DDX10: variants seen among roughly 807,000 people sequenced by gnomAD.
The protein encoded by DDX10 is probable ATP-dependent RNA helicase DDX10.
In DDX10, 74 loss-of-function variants were observed where a neutral mutation model predicts 104.3. The ratio of observed to expected loss-of-function variants is 0.71; its 90% CI spans 0.59 to 0.86. The LOEUF is 0.86. DDX10 is among the 40% of genes least tolerant of loss of function. The pLI, the probability that DDX10 is intolerant of heterozygous loss-of-function variation, is 0.00. For synonymous variants in DDX10, 351 were observed against 353.4 expected, an observed-to-expected ratio of 0.99 and a Z score of 0.08; for missense variants, 952 against 1,040.0, an observed-to-expected ratio of 0.92 and a Z score of 1.16.
At chr11:108,681,424 AAT>A (rs1207135906) in intron 6 of DDX10, among the ~76,000 whole-genome samples, 1 of 152,192 alleles carries the variant, frequency 6.6e-6, no homozygotes. Context: ...GCAGTATTCT[AAT>A]ATTCCAAATT....
intron 1 of DDX10, among the ~76,000 whole-genome samples, chr11:108,672,015 C>T (rs1052463484): frequency 2.2e-4 from 31 of 138,186 alleles, no homozygotes; most frequent in African/African-American, 7.0e-4. Context: ...GAGCCAAGTT[C>T]GCGCCACTGC....
At chr11:108,923,828 A>G (rs1050960780) in intron 17 of DDX10, among the ~76,000 whole-genome samples, 19 of 152,166 alleles carry the variant, frequency 1.2e-4, no homozygotes, top group African/African-American at 4.6e-4. Context: ...TGGTGTCTAC[A>G]CTAAATCGGT....
chr11:108,696,846 A>G (rs4754347), intron 9 of DDX10, among the ~76,000 whole-genome samples: 18,714 of 152,232 alleles, frequency 0.12, 1,567 homozygotes, highest in East Asian at 0.27. Context: ...AATAGAATAC[A>G]TTTAGCAGTA....
intron 13 of DDX10, among the ~76,000 whole-genome samples, chr11:108,835,534 A>C (rs1179125406): frequency 1.3e-5 from 2 of 152,238 alleles, no homozygotes; most frequent in African/African-American, 2.4e-5. Context: ...AATTGGACAA[A>C]ACGCACAAAA....
intron 16 of DDX10, among the ~76,000 whole-genome samples, chr11:108,862,722 C>G (rs1242770044): frequency 1.3e-5 from 2 of 152,240 alleles, no homozygotes; most frequent in Admixed American, 1.3e-4. Context: ...AACCTCCTCC[C>G]CACCCCAGTG....
At chr11:108,816,405 A>C (rs1268679048) in intron 13 of DDX10, among the ~76,000 whole-genome samples, 1 of 152,108 alleles carries the variant, frequency 6.6e-6, no homozygotes, top group Non-Finnish European at 1.5e-5. Context: ...CAGACCAAGA[A>C]CCCGTGAGTT....
At chr11:108,733,638 A>C (rs1429704437) in intron 13 of DDX10, among the ~76,000 whole-genome samples, 1 of 151,954 alleles carries the variant, frequency 6.6e-6, no homozygotes, top group Admixed American at 6.6e-5. Flanking sequence ...CCTCGGTATG[A>C]TTGTGCTTGC....
chr11:108,907,359 G>A (rs1278732248), intron 16 of DDX10, among the ~76,000 whole-genome samples: 4 of 145,308 alleles, frequency 2.8e-5, no homozygotes, highest in Non-Finnish European at 6.0e-5. Flanking sequence ...TTTTTGAGAC[G>A]ATGTCTTGCT....
At chr11:108,685,181 G>A (rs965604171) in intron 6 of DDX10, among the ~76,000 whole-genome samples, 8 of 151,818 alleles carry the variant, frequency 5.3e-5, no homozygotes, top group Admixed American at 3.9e-4. Flanking sequence ...AGCAATCAGC[G>A]CGATTCCGTG....
At chr11:108,787,197 C>A (rs1048710970) in intron 13 of DDX10, among the ~76,000 whole-genome samples, 2 of 152,154 alleles carry the variant, frequency 1.3e-5, no homozygotes, top group Admixed American at 6.5e-5. Context: ...TGTAAGGTTT[C>A]TTCTAAGAGG....
intron 13 of DDX10, among the ~76,000 whole-genome samples, chr11:108,761,249 A>G (rs2094350511): frequency 6.6e-6 from 1 of 152,090 alleles, no homozygotes; most frequent in Non-Finnish European, 1.5e-5. Context: ...TGATTACTCA[A>G]AGCAGGGAAG....
At chr11:108,863,373 T>G (rs1862965189) in intron 16 of DDX10, among the ~76,000 whole-genome samples, 1 of 152,236 alleles carries the variant, frequency 6.6e-6, no homozygotes, top group African/African-American at 2.4e-5. Flanking sequence ...ATCATTTATC[T>G]TCTTTGGATT....
chr11:108,684,171 A>AT (rs373165845), intron 6 of DDX10, among the ~76,000 whole-genome samples: 119 of 9,780 alleles, frequency 0.012, no homozygotes, highest in Middle Eastern at 0.1. Context: ...AAGGTTATAG[A>AT]TTTTCTTTTT....
At chr11:108,675,234 A>G (rs2094222733) in intron 2 of DDX10, among the ~76,000 whole-genome samples, 1 of 152,172 alleles carries the variant, frequency 6.6e-6, no homozygotes, top group Non-Finnish European at 1.5e-5. Flanking sequence ...GAGCACAAAT[A>G]CTTTTCAAAG....
At chr11:108,874,049 G>A (rs1863117717) in intron 16 of DDX10, among the ~76,000 whole-genome samples, 1 of 152,138 alleles carries the variant, frequency 6.6e-6, no homozygotes, top group Non-Finnish European at 1.5e-5. Context: ...AGATTGCCGT[G>A]AGTCAGAAGG....
chr11:108,717,875 A>G (rs552762222), intron 11 of DDX10, among the ~76,000 whole-genome samples: 2 of 152,210 alleles, frequency 1.3e-5, no homozygotes, highest in East Asian at 1.9e-4. Context: ...AATGTCTTGG[A>G]TGGCTGGTTG....
At chr11:108,878,716 GCCTT>G (rs1190176060) in intron 16 of DDX10, among the ~76,000 whole-genome samples, 1 of 151,624 alleles carries the variant, frequency 6.6e-6, no homozygotes, top group African/African-American at 2.4e-5. Context: ...GTGAATACTT[GCCTT>G]CCTTTGTCAT....
chr11:108,759,439 G>A (rs1056266645), intron 13 of DDX10, among the ~76,000 whole-genome samples: 4 of 151,844 alleles, frequency 2.6e-5, no homozygotes, highest in Admixed American at 1.3e-4. Context: ...GCTAACCATC[G>A]CTCATACAGC....
intron 16 of DDX10, among the ~76,000 whole-genome samples, chr11:108,853,387 C>A (rs1862821640): frequency 6.6e-6 from 1 of 152,128 alleles, no homozygotes; most frequent in South Asian, 2.1e-4. Flanking sequence ...AAGAAGCTCT[C>A]ATTTCTGCAT....
Sources: gnomAD v4.1 joint callset for allele counts (sites outside exome capture counted in the v4.1 genomes callset) on GRCh38, gnomAD v4.1.1 for gene constraint, MANE v1.5 for transcripts, NCBI Gene and HGNC (gene_info 2026-07-23, HGNC 2026-07-21) for gene names.